The following RPS6KC1 variants were observed in gnomAD, a reference collection of about 807,000 sequenced individuals.
The protein encoded by RPS6KC1 is inactive ribosomal protein S6 kinase delta-1.
Under a neutral mutation model 103.8 loss-of-function variants are expected in RPS6KC1, and 54 were observed. The ratio of observed to expected loss-of-function variants is 0.52; its 90% CI spans 0.42 to 0.65. The LOEUF (loss-of-function observed/expected upper bound fraction) is 0.65, where lower values mean the gene tolerates loss of function less well. Among genes scored for constraint, RPS6KC1 ranks in the 30% least tolerant of loss-of-function variants. The probability of loss-of-function intolerance (pLI) is 0.00; values close to 1 mark genes in which losing one functional copy is unlikely to be tolerated. For missense variants in RPS6KC1, 1,151 were observed against 1,253.8 expected (o/e 0.92, Z 1.24); for synonymous variants, 439 against 438.7 (o/e 1.00, Z -0.01).
At chr1:213,082,611 A>G (rs2080007973) in intron 3 of RPS6KC1, among the ~76,000 whole-genome samples, 1 of 152,206 alleles carries the variant, frequency 6.6e-6, no homozygotes, top group Non-Finnish European at 1.5e-5. Context: ...TGGAAAGTTG[A>G]AAATGTACTT....
intron 1 of RPS6KC1, among the ~76,000 whole-genome samples, chr1:213,054,126 G>A (rs1244220476): frequency 1.3e-5 from 2 of 152,148 alleles, no homozygotes; most frequent in Admixed American, 1.3e-4. Context: ...GTGAGCCACC[G>A]CATTGGCCAA....
the RPS6KC1 span, among the ~76,000 whole-genome samples, chr1:213,582,229 A>G: frequency 6.6e-6 from 1 of 150,448 alleles, no homozygotes; most frequent in Non-Finnish European, 1.5e-5. Flanking sequence ...TATTTCTCAC[A>G]TAGGGTGCCA....
the RPS6KC1 span, among the ~76,000 whole-genome samples, chr1:213,783,256 C>T: frequency 6.6e-6 from 1 of 152,180 alleles, no homozygotes. Flanking sequence ...CTGGCTCTAT[C>T]TTTGTATATT....
the RPS6KC1 span, among the ~76,000 whole-genome samples, chr1:213,586,235 G>A: frequency 5.9e-5 from 9 of 152,138 alleles, no homozygotes; most frequent in Non-Finnish European, 8.8e-5. Flanking sequence ...AAACCTCCCC[G>A]GGATGACTGA....
chr1:213,626,585 T>C, the RPS6KC1 span, among the ~76,000 whole-genome samples: 1 of 152,234 alleles, frequency 6.6e-6, no homozygotes, highest in Admixed American at 6.5e-5. Flanking sequence ...TTTTAATCCA[T>C]CTTGAATTAA....
intron 6 of RPS6KC1, among the ~76,000 whole-genome samples, chr1:213,138,460 G>C (rs1159615414): frequency 6.6e-6 from 1 of 152,082 alleles, no homozygotes; most frequent in African/African-American, 2.4e-5. Flanking sequence ...TGTCACCCAG[G>C]TAATCGGTGT....
At chr1:213,357,761 C>T in the RPS6KC1 span, among the ~76,000 whole-genome samples, 1 of 152,200 alleles carries the variant, frequency 6.6e-6, no homozygotes, top group African/African-American at 2.4e-5. Context: ...AGGTTGGCTC[C>T]ATTTGCGGCT....
chr1:213,797,157 G>A, the RPS6KC1 span, among the ~76,000 whole-genome samples: 1 of 152,196 alleles, frequency 6.6e-6, no homozygotes, highest in Admixed American at 6.5e-5. Context: ...CACTTTCAAT[G>A]TGTCCTACAT....
At chr1:213,307,700 G>A in the RPS6KC1 span, among the ~76,000 whole-genome samples, 58 of 152,226 alleles carry the variant, frequency 3.8e-4, 1 homozygote, top group East Asian at 8.3e-3. Flanking sequence ...AAAGATCAGC[G>A]GGGTCTCCCA....
chr1:213,212,718 C>A (rs1218309914), intron 8 of RPS6KC1, among the ~76,000 whole-genome samples: 1 of 152,192 alleles, frequency 6.6e-6, no homozygotes, highest in East Asian at 1.9e-4. Flanking sequence ...ATGAAAGTTT[C>A]TGTTGCTTTA....
the RPS6KC1 span, among the ~76,000 whole-genome samples, chr1:213,799,718 A>C: frequency 6.6e-6 from 1 of 152,176 alleles, no homozygotes; most frequent in Admixed American, 6.5e-5. Flanking sequence ...GATAAAAATC[A>C]TTCTGTTGTG....
the RPS6KC1 span, among the ~76,000 whole-genome samples, chr1:213,613,624 C>G: frequency 6.6e-6 from 1 of 152,344 alleles, no homozygotes; most frequent in South Asian, 2.1e-4. Flanking sequence ...TTAAGCTTCT[C>G]TAATGGTGAA....
the RPS6KC1 span, among the ~76,000 whole-genome samples, chr1:213,283,303 G>A: frequency 6.6e-6 from 1 of 152,164 alleles, no homozygotes; most frequent in Non-Finnish European, 1.5e-5. Context: ...AAAGATGGCG[G>A]TAGCATACTG....
the RPS6KC1 span, among the ~76,000 whole-genome samples, chr1:213,375,048 C>A: frequency 4.9e-3 from 749 of 151,964 alleles, 3 homozygotes; most frequent in Non-Finnish European, 8.6e-3. Context: ...CACATACATA[C>A]ACACGTACAC....
the RPS6KC1 span, among the ~76,000 whole-genome samples, chr1:213,285,781 G>A: frequency 6.6e-6 from 1 of 152,070 alleles, no homozygotes; most frequent in African/African-American, 2.4e-5. Flanking sequence ...GGGCTTTGGG[G>A]GAAGTAATAA....
At chr1:213,234,013 TC>T (rs1383853677) in intron 10 of RPS6KC1, among the ~76,000 whole-genome samples, 3 of 145,118 alleles carry the variant, frequency 2.1e-5, no homozygotes, top group Non-Finnish European at 3.0e-5. Context: ...TCTCTCTCTC[TC>T]TTTTTTTTTT....
chr1:213,709,197 G>A, the RPS6KC1 span, among the ~76,000 whole-genome samples: 1 of 152,182 alleles, frequency 6.6e-6, no homozygotes, highest in Admixed American at 6.5e-5. Context: ...TTTTTGGTTG[G>A]TAGGCTATTA....
intron 6 of RPS6KC1, 125 bp downstream of exon 6, chr1:213,130,014 C>A: frequency 1.1e-6 from 1 of 916,018 alleles, no homozygotes; most frequent in Non-Finnish European, 1.6e-6. Flanking sequence ...ATTACTGAAG[C>A]TTAAAAGACC....
the RPS6KC1 span, among the ~76,000 whole-genome samples, chr1:213,302,780 A>T: frequency 6.6e-6 from 1 of 152,362 alleles, no homozygotes; most frequent in South Asian, 2.1e-4. Context: ...ACTCAGGGAC[A>T]GACTCCATGT....
Sources: gnomAD v4.1 joint callset for allele counts (sites outside exome capture counted in the v4.1 genomes callset) on GRCh38, gnomAD v4.1.1 for gene constraint, MANE v1.5 for transcripts, NCBI Gene and HGNC (gene_info 2026-07-23, HGNC 2026-07-21) for gene names.